SCAPER: variants seen among roughly 807,000 people sequenced by gnomAD.
SCAPER encodes S phase cyclin A-associated protein in the endoplasmic reticulum.
A neutral mutation model predicts 182.2 loss-of-function variants in SCAPER; 98 were observed. The ratio of observed to expected loss-of-function variants is 0.54; its 90% CI spans 0.46 to 0.64. The LOEUF (loss-of-function observed/expected upper bound fraction) is 0.64. Among genes scored for constraint, SCAPER ranks in the 30% least tolerant of loss-of-function variants. The pLI, the probability that SCAPER is intolerant of heterozygous loss-of-function variation, is 0.00. For missense variants in SCAPER, 1,432 were observed against 1,690.0 expected (o/e 0.85, Z 2.68); for synonymous variants, 605 against 564.6 (o/e 1.07, Z -1.01).
Position 76,364,985 on chromosome 15 carries a change from C to A in SCAPER, c.3856-10845G>T, listed in dbSNP as rs1443017339. 2.0e-5 allele frequency among the ~76,000 whole-genome samples: 3 copies of A among 152,102 alleles called. No individual in the cohort carries two copies. The East Asian group carries it at 5.8e-4, about 29-fold the overall frequency. The stretch of plus-strand genomic sequence containing the variant: ...GCCATTTTACATCTCAAACCTCTGG[C>A]ATAGATCCAGGTTTGTTAATTATTT... On this transcript the variant is annotated intron_variant, in intron 29 of 31. Coordinates refer to ENST00000563290, the MANE Select transcript of SCAPER (RefSeq NM_020843.4).
At chr15:76,686,111 A>C (rs1025584085) in intron 20 of SCAPER, among the ~76,000 whole-genome samples, 3 of 152,072 alleles carry the variant, frequency 2.0e-5, no homozygotes, top group Non-Finnish European at 4.4e-5. Context: ...TAATAGATAT[A>C]AGAATATGAA....
At chr15:76,434,486 G>A (rs1263425655) in intron 25 of SCAPER, among the ~76,000 whole-genome samples, 176 bp from the exon 26 acceptor site, 1 of 152,128 alleles carries the variant, frequency 6.6e-6, no homozygotes, top group East Asian at 1.9e-4. Flanking sequence ...AGTACCTGAT[G>A]TCCCTGGATA....
chr15:76,355,845 C>T (rs570256618), intron 29 of SCAPER, among the ~76,000 whole-genome samples: 21 of 152,338 alleles, frequency 1.4e-4, no homozygotes, highest in African/African-American at 4.8e-4. Context: ...CTGCCGTTTA[C>T]AGAGCGAGTT....
chr15:76,510,864 C>CGCGTGTGTGTGTGTGT (rs1171691432), intron 23 of SCAPER, among the ~76,000 whole-genome samples: 2 of 150,494 alleles, frequency 1.3e-5, no homozygotes, highest in African/African-American at 4.9e-5. Flanking sequence ...CTGGTGCGCG[C>CGCGTGTGTGTGTGTGT]GTGTGTGTGT....
At chr15:76,650,587 T>A (rs186335013) in intron 21 of SCAPER, among the ~76,000 whole-genome samples, 15 of 152,186 alleles carry the variant, frequency 9.9e-5, no homozygotes, top group Admixed American at 2.6e-4. Flanking sequence ...AATGTGGACA[T>A]TCTTTTTGAA....
intron 1 of SCAPER, among the ~76,000 whole-genome samples, chr15:76,899,771 GCCGC>G (rs2074657881): frequency 6.7e-6 from 1 of 150,160 alleles, no homozygotes; most frequent in African/African-American, 2.5e-5. Context: ...CCTCTGCCCG[GCCGC>G]CCCGTCTGGG....
In SCAPER at chr15:76,659,703, A is replaced by C. The variant is rs935295304; in HGVS notation, c.2645+5950T>G. Among the ~76,000 whole-genome samples, 15 of 152,242 alleles carry C rather than the reference A, an allele frequency of 9.9e-5. 1 individual carries two copies. The highest frequency in any genetic ancestry group is 3.6e-4 in the African/African-American group (15 of 41,464). ...TCATCTTATACTAGTCAGAATGGTTATTATTTAAAAAGTCAAAAAATAAAT... is the reference window on the plus strand; with the variant it reads ...TCATCTTATACTAGTCAGAATGGTTCTTATTTAAAAAGTCAAAAAATAAAT... On this transcript the variant is annotated intron_variant, in intron 21 of 31. Coordinates refer to ENST00000563290, the MANE Select transcript of SCAPER (RefSeq NM_020843.4).
intron 25 of SCAPER, among the ~76,000 whole-genome samples, chr15:76,467,651 C>T (rs2049795807): frequency 6.6e-6 from 1 of 152,094 alleles, no homozygotes; most frequent in Non-Finnish European, 1.5e-5. Flanking sequence ...CTATTATGTG[C>T]TAGGTACTCT....
At chr15:76,742,527 T>C (rs755124304) in intron 15 of SCAPER, among the ~76,000 whole-genome samples, 4 of 137,392 alleles carry the variant, frequency 2.9e-5, no homozygotes, top group Non-Finnish European at 6.2e-5. Flanking sequence ...TTGCTAGACA[T>C]GCTGCAACTG....
At chr15:76,688,640 T>G (rs2058169676) in intron 20 of SCAPER, among the ~76,000 whole-genome samples, 1 of 152,138 alleles carries the variant, frequency 6.6e-6, no homozygotes, top group Non-Finnish European at 1.5e-5. Context: ...ACTTTCAATT[T>G]TCTGCATATG....
intron 22 of SCAPER, among the ~76,000 whole-genome samples, chr15:76,614,106 T>C (rs1210546915): frequency 6.6e-6 from 1 of 152,158 alleles, no homozygotes; most frequent in South Asian, 2.1e-4. Context: ...GGGACATGAA[T>C]GGTGCTGCGG....
At chr15:76,644,067 T>C (rs2146421569) in intron 21 of SCAPER, among the ~76,000 whole-genome samples, 1 of 152,318 alleles carries the variant, frequency 6.6e-6, no homozygotes, top group East Asian at 1.9e-4. Context: ...CTTTGAGTTC[T>C]TTCTCATGGA....
At chr15:76,757,478 A>ACT (rs1491086300) in intron 14 of SCAPER, among the ~76,000 whole-genome samples, 1 of 146,682 alleles carries the variant, frequency 6.8e-6, no homozygotes, top group African/African-American at 2.5e-5. Context: ...ACACACACAC[A>ACT]CTCAAATATA....
intron 4 of SCAPER, 66 bp downstream of exon 4, chr15:76,857,743 T>A: frequency 1.0e-6 from 1 of 998,382 alleles, no homozygotes; most frequent in South Asian, 1.8e-5. Context: ...AAGATTTTCA[T>A]AATTTATAAT....
At chr15:76,831,432 C>G (rs111908804) in intron 5 of SCAPER, among the ~76,000 whole-genome samples, 12,420 of 151,670 alleles carry the variant, frequency 0.082, 650 homozygotes, top group East Asian at 0.12. Context: ...ACCCTGCCGG[C>G]ACACACACAC....
chr15:76,761,495 T>A (rs2151249890), intron 14 of SCAPER, among the ~76,000 whole-genome samples: 1 of 152,324 alleles, frequency 6.6e-6, no homozygotes, highest in East Asian at 1.9e-4. Context: ...GTGAGTTATA[T>A]TTGTTTTCAT....
chr15:76,604,542 GT>G (rs1326734125), intron 22 of SCAPER, among the ~76,000 whole-genome samples: 1 of 103,138 alleles, frequency 9.7e-6, no homozygotes, highest in East Asian at 2.5e-4. Flanking sequence ...CTTTAAAGTA[GT>G]TTTTTCTGAT....
chr15:76,448,044 G>A (rs1299180112), intron 25 of SCAPER, among the ~76,000 whole-genome samples: 1 of 152,162 alleles, frequency 6.6e-6, no homozygotes, highest in East Asian at 1.9e-4. Flanking sequence ...AAGAGAGTAT[G>A]TGTGTTCAGG....
chr15:76,735,592 C>T (rs1276454497), intron 15 of SCAPER, among the ~76,000 whole-genome samples: 1 of 150,196 alleles, frequency 6.7e-6, no homozygotes, highest in Non-Finnish European at 1.5e-5. Flanking sequence ...ATCCCAGCTA[C>T]TTTGGAGGCT....
Sources: gnomAD v4.1 joint callset for allele counts (sites outside exome capture counted in the v4.1 genomes callset) on GRCh38, gnomAD v4.1.1 for gene constraint, MANE v1.5 for transcripts, NCBI Gene and HGNC (gene_info 2026-07-23, HGNC 2026-07-21) for gene names.